ATP9B: variants seen among roughly 807,000 people sequenced by gnomAD.
ATP9B encodes ATPase phospholipid transporting 9B.
ATP9B carries 110 observed loss-of-function variants against 146.1 expected under a neutral mutation model. The observed-to-expected ratio is 0.75, with a 90% CI of 0.65 to 0.88. ATP9B has a LOEUF of 0.88. ATP9B is among the 40% of genes least tolerant of loss of function. The pLI is 0.00. For missense variants in ATP9B, 1,499 were observed against 1,496.4 expected, an observed-to-expected ratio of 1.00 and a Z score of -0.03; for synonymous variants, 604 against 569.7, an observed-to-expected ratio of 1.06 and a Z score of -0.86.
At chr18:79,236,106 C>A (rs1211305926) in intron 11 of ATP9B, among the ~76,000 whole-genome samples, 1 of 152,170 alleles carries the variant, frequency 6.6e-6, no homozygotes, top group Non-Finnish European at 1.5e-5. Context: ...CTCTTCCCAG[C>A]CAAGCAAGAG....
chr18:79,337,591 C>T (rs1331229385), intron 19 of ATP9B, 142 bp downstream of exon 19: 1 of 1,173,030 alleles, frequency 8.5e-7, no homozygotes, highest in Non-Finnish European at 1.2e-6. Context: ...ACCAGCTCCC[C>T]TCCTTCCTTA....
At chr18:79,136,631 C>A (rs957894163) in intron 5 of ATP9B, among the ~76,000 whole-genome samples, 21 of 152,132 alleles carry the variant, frequency 1.4e-4, no homozygotes, top group African/African-American at 5.1e-4. Flanking sequence ...TTAAATTTTT[C>A]TTTTAAATTC....
At chr18:79,255,035 TCCTAGTTAGGA>T (rs1872771578) in intron 12 of ATP9B, 1 of 152,138 alleles carries the variant, frequency 6.6e-6, no homozygotes, top group Non-Finnish European at 1.5e-5. Flanking sequence ...TGTTGTTGTG[TCCTAGTTAGGA>T]CCTAGAACGG....
chr18:79,290,814 C>T (rs1001965096), intron 13 of ATP9B, among the ~76,000 whole-genome samples: 1 of 152,360 alleles, frequency 6.6e-6, no homozygotes, highest in Admixed American at 6.5e-5. Flanking sequence ...GATACATCCG[C>T]TGATTATGTA....
chr18:79,238,368 G>C (rs1454269551), intron 11 of ATP9B, among the ~76,000 whole-genome samples: 1 of 152,134 alleles, frequency 6.6e-6, no homozygotes, highest in Non-Finnish European at 1.5e-5. Flanking sequence ...GTGAGGTGGT[G>C]ATTGTGGGCA....
intron 2 of ATP9B, among the ~76,000 whole-genome samples, chr18:79,098,739 A>AT (rs2075022825): frequency 6.6e-6 from 1 of 152,322 alleles, no homozygotes; most frequent in Admixed American, 6.5e-5. Flanking sequence ...GTTGTCTATC[A>AT]TCCCAGTAAT....
chr18:79,320,022 A>C (rs894303038), intron 15 of ATP9B, among the ~76,000 whole-genome samples: 1 of 152,244 alleles, frequency 6.6e-6, no homozygotes, highest in Admixed American at 6.5e-5. Context: ...TGTGCTCACC[A>C]GGCTGTCCAG....
intron 1 of ATP9B, among the ~76,000 whole-genome samples, chr18:79,076,901 C>G (rs2072685799): frequency 6.8e-6 from 1 of 147,320 alleles, no homozygotes; most frequent in Non-Finnish European, 1.5e-5. Context: ...TTTTTTCTTC[C>G]TCGTTTTTTT....
intron 15 of ATP9B, among the ~76,000 whole-genome samples, chr18:79,315,665 G>C (rs1188301337): frequency 6.6e-6 from 1 of 152,194 alleles, no homozygotes; most frequent in Non-Finnish European, 1.5e-5. Context: ...TGGAATTATA[G>C]AGAATTATTA....
At position 79,112,861 on chromosome 18, in the gene ATP9B, G is replaced by A. The variant is rs990719024; in HGVS notation, c.445-380G>A. Among the ~76,000 whole-genome samples, 4 of 151,818 alleles carry A rather than the reference G, an allele frequency of 2.6e-5. 1 individual carries two copies. The highest frequency in any genetic ancestry group is 9.7e-5 in the African/African-American group (4 of 41,354). On this transcript the variant is annotated intron_variant, in intron 3 of 29. Coordinates refer to ENST00000426216, the MANE Select transcript of ATP9B (RefSeq NM_198531.5). ...ATCAAGATACACCTGTATATTTACT[G>A]GCTTGCTAACATTGGGAAGGTTTTG...
intron 11 of ATP9B, among the ~76,000 whole-genome samples, chr18:79,218,293 G>A (rs1268658482): frequency 6.6e-6 from 1 of 150,848 alleles, no homozygotes; most frequent in African/African-American, 2.4e-5. Flanking sequence ...GTCTGACGCA[G>A]GCTGGCAGCT....
intron 11 of ATP9B, among the ~76,000 whole-genome samples, chr18:79,216,539 A>AGT (rs1344754968): frequency 1.3e-5 from 2 of 152,196 alleles, no homozygotes; most frequent in Non-Finnish European, 2.9e-5. Context: ...AAAGGTTTTC[A>AGT]GTGTGGTAAT....
chr18:79,150,426 T>C (rs780234141), intron 6 of ATP9B, among the ~76,000 whole-genome samples: 3 of 152,194 alleles, frequency 2.0e-5, no homozygotes, highest in Non-Finnish European at 2.9e-5. Flanking sequence ...AATGTCTGTA[T>C]CTACATTATT....
At chr18:79,192,281 G>A (rs909838236) in intron 8 of ATP9B, among the ~76,000 whole-genome samples, 9 of 152,080 alleles carry the variant, frequency 5.9e-5, no homozygotes, top group South Asian at 2.1e-4. Context: ...ACACTCACAC[G>A]TACAGAATGG....
At chr18:79,326,482 G>T (rs928246876) in intron 15 of ATP9B, among the ~76,000 whole-genome samples, 34 of 142,720 alleles carry the variant, frequency 2.4e-4, no homozygotes, top group South Asian at 6.5e-4. Context: ...ATGGTGTTAG[G>T]GTGTCATCTC....
chr18:79,194,751 C>A (rs1428692454), intron 9 of ATP9B: 4 of 152,162 alleles, frequency 2.6e-5, no homozygotes, highest in Non-Finnish European at 2.9e-5. Flanking sequence ...AAATGTGAGA[C>A]AGAAAATACT....
At chr18:79,343,737 T>C (rs1384392343) in intron 20 of ATP9B, 1 of 163,342 alleles carries the variant, frequency 6.1e-6, no homozygotes, top group Non-Finnish European at 1.3e-5. Context: ...TGGTGCTCTG[T>C]TGGGTGCAAG....
At chr18:79,140,320 C>T (rs537865764) in intron 5 of ATP9B, among the ~76,000 whole-genome samples, 5 of 151,916 alleles carry the variant, frequency 3.3e-5, no homozygotes, top group Admixed American at 2.0e-4. Context: ...TAATTATCAT[C>T]GAATGGAATT....
In ATP9B at chr18:79,121,145, C is replaced by G. The variant is rs115497430; in HGVS notation, c.559-5122C>G. Among the ~76,000 whole-genome samples the G allele has an allele frequency of 8.8e-3, 1,343 of 152,206 alleles. 24 individuals carry two copies. The highest frequency in any genetic ancestry group is 0.03 in the African/African-American group (1,265 of 41,526). On this transcript the variant is annotated intron_variant, in intron 4 of 29. Coordinates refer to ENST00000426216, the MANE Select transcript of ATP9B (RefSeq NM_198531.5). The stretch of plus-strand genomic sequence containing the variant: ...GAAAAGTGTGTGGCACATGATAAGC[C>G]CTCAAAGGCACATCAATAATGTACC...
Sources: allele counts gnomAD v4.1 joint callset (sites outside exome capture counted in the v4.1 genomes callset), GRCh38; gene constraint gnomAD v4.1.1; transcripts MANE v1.5; gene names NCBI Gene and HGNC (gene_info 2026-07-23, HGNC 2026-07-21).